Variants in CAMK1D observed in about 807,000 individuals in gnomAD.
The protein encoded by CAMK1D is calcium/calmodulin dependent protein kinase ID.
CAMK1D carries 9 observed loss-of-function variants against 47.7 expected under a neutral mutation model. That is an observed-to-expected ratio of 0.19 (90% CI 0.11 to 0.33). CAMK1D has a LOEUF of 0.33. Ranked by LOEUF, CAMK1D falls within the 10% of genes least tolerant of loss-of-function variation. CAMK1D has a pLI of 1.00. For missense variants in CAMK1D, 291 were observed against 488.7 expected, an observed-to-expected ratio of 0.60 and a Z score of 3.81; for synonymous variants, 184 against 184.9, an observed-to-expected ratio of 0.99 and a Z score of 0.04.
intron 3 of CAMK1D, among the ~76,000 whole-genome samples, chr10:12,753,342 G>A (rs1836075305): frequency 6.6e-6 from 1 of 152,184 alleles, no homozygotes; most frequent in South Asian, 2.1e-4. Flanking sequence ...TGCAAAGCTC[G>A]TGCTGGCTGT....
intron 2 of CAMK1D, among the ~76,000 whole-genome samples, chr10:12,608,096 T>C (rs934511907): frequency 1.3e-5 from 2 of 152,132 alleles, no homozygotes; most frequent in South Asian, 4.1e-4. Context: ...AAAGAAAATG[T>C]ACAGACATGA....
intron 3 of CAMK1D, among the ~76,000 whole-genome samples, chr10:12,716,808 C>T (rs1289482567): frequency 6.6e-6 from 1 of 152,176 alleles, no homozygotes; most frequent in Non-Finnish European, 1.5e-5. Flanking sequence ...GTGGTGTTCA[C>T]TGCAATTCGT....
At chr10:12,408,642 G>A (rs906588174) in intron 1 of CAMK1D, among the ~76,000 whole-genome samples, 1 of 152,092 alleles carries the variant, frequency 6.6e-6, no homozygotes, top group Non-Finnish European at 1.5e-5. Flanking sequence ...TTCAGGTTCA[G>A]GTGGGTGTGG....
chr10:12,751,113 TA>T (rs1454178342), intron 3 of CAMK1D, among the ~76,000 whole-genome samples: 5 of 82,018 alleles, frequency 6.1e-5, no homozygotes, highest in African/African-American at 2.6e-4. Context: ...TAAGATAAGA[TA>T]AGATAAGATA....
intron 1 of CAMK1D, 67 bp downstream of exon 1, chr10:12,349,977 TGCCGCC>T: frequency 3.7e-6 from 3 of 816,564 alleles, no homozygotes; most frequent in Non-Finnish European, 5.3e-6. Flanking sequence ...CAGCTCCAGC[TGCCGCC>T]GCCGCCACTA....
chr10:12,763,756 G>A (rs1470586862), intron 4 of CAMK1D, among the ~76,000 whole-genome samples: 8 of 152,204 alleles, frequency 5.3e-5, no homozygotes, highest in Non-Finnish European at 1.0e-4. Flanking sequence ...TGTTGATTCC[G>A]ATCTTATTAA....
Position 12,535,484 on chromosome 10 carries a change from C to T in CAMK1D, c.93-17741C>T, listed in dbSNP as rs886273473. Among the ~76,000 whole-genome samples the T allele has an allele frequency of 2.2e-4, 34 of 152,128 alleles. 1 individual carries two copies. Among genetic ancestry groups the T allele is most frequent in the Non-Finnish European group, 1.0e-4 (7 of 68,022 alleles). On this transcript the variant is annotated intron_variant, in intron 1 of 10. Coordinates refer to ENST00000619168, the MANE Select transcript of CAMK1D (RefSeq NM_153498.4). ...TCATGAGAATGGCCAATAAGTCCTC[C>T]ATGAAGTCAGCTCCAAGAAATAATG...
intron 1 of CAMK1D, among the ~76,000 whole-genome samples, chr10:12,389,393 G>A (rs1312754798): frequency 2.6e-5 from 4 of 152,158 alleles, no homozygotes; most frequent in Non-Finnish European, 5.9e-5. Context: ...TGGGGTGCGT[G>A]GCCAGAGGTG....
chr10:12,702,532 A>G (rs1185569095), intron 3 of CAMK1D, among the ~76,000 whole-genome samples: 1 of 152,236 alleles, frequency 6.6e-6, no homozygotes, highest in African/African-American at 2.4e-5. Flanking sequence ...TCCTAGGAAT[A>G]ACAGTAGCTA....
chr10:12,821,960 C>A (rs1833028858), intron 8 of CAMK1D, among the ~76,000 whole-genome samples: 1 of 151,664 alleles, frequency 6.6e-6, no homozygotes, highest in African/African-American at 2.4e-5. Context: ...GGCGACAGAG[C>A]AAGACTCTGT....
At chr10:12,777,108 C>T (rs1837282550) in intron 5 of CAMK1D, among the ~76,000 whole-genome samples, 3 of 152,016 alleles carry the variant, frequency 2.0e-5, no homozygotes, top group East Asian at 1.9e-4. Context: ...GTTTTAAAGC[C>T]GTGAACCGGG....
At chr10:12,522,046 A>G (rs1415840098) in intron 1 of CAMK1D, among the ~76,000 whole-genome samples, 1 of 151,720 alleles carries the variant, frequency 6.6e-6, no homozygotes, top group East Asian at 1.9e-4. Context: ...TTATTGATGT[A>G]TTTGAGCCAT....
Position 12,778,365 on chromosome 10 carries a change from G to A in CAMK1D, c.565+8566G>A, listed in dbSNP as rs1837357550. The stretch of plus-strand genomic sequence containing the variant: ...CTTCACCCTTTTACATGTGGCGGCT[G>A]CCTGGATTGTACACACCCTTTGCAA... On this transcript the variant is annotated intron_variant, in intron 5 of 10. Transcript: ENST00000619168. Among the ~76,000 whole-genome samples, 3 of 152,314 alleles carry A rather than the reference G, an allele frequency of 2.0e-5. No individual in the cohort carries two copies. The South Asian group carries it at 6.2e-4, about 32-fold the overall frequency.
intron 3 of CAMK1D, among the ~76,000 whole-genome samples, chr10:12,747,388 C>T (rs1409209391): frequency 6.6e-6 from 1 of 152,172 alleles, no homozygotes; most frequent in Non-Finnish European, 1.5e-5. Context: ...TCATTGCAGC[C>T]TTGAACTCCT....
intron 2 of CAMK1D, among the ~76,000 whole-genome samples, chr10:12,573,831 CTTTTTTTT>C (rs34038018): frequency 3.9e-4 from 25 of 64,092 alleles, no homozygotes; most frequent in South Asian, 3.9e-3. Flanking sequence ...ATTAAAAAAA[CTTTTTTTT>C]TTTTTTTTTT....
chr10:12,803,761 C>T (rs1564574217), intron 6 of CAMK1D, among the ~76,000 whole-genome samples: 1 of 152,162 alleles, frequency 6.6e-6, no homozygotes, highest in East Asian at 1.9e-4. Flanking sequence ...CAGGTCTCTT[C>T]TTCAGCTCCC....
chr10:12,573,320 C>T (rs532364729), intron 2 of CAMK1D, among the ~76,000 whole-genome samples: 90 of 152,238 alleles, frequency 5.9e-4, no homozygotes, highest in Middle Eastern at 3.4e-3. Context: ...GGAGAGAGGG[C>T]ATGATGGAGA....
At chr10:12,445,110 A>G (rs1460994819) in intron 1 of CAMK1D, among the ~76,000 whole-genome samples, 1 of 152,186 alleles carries the variant, frequency 6.6e-6, no homozygotes, top group African/African-American at 2.4e-5. Context: ...TATTGCTACA[A>G]AGCATCTGTT....
intron 3 of CAMK1D, among the ~76,000 whole-genome samples, chr10:12,708,159 A>T (rs1382382839): frequency 3.9e-5 from 6 of 152,194 alleles, no homozygotes; most frequent in Non-Finnish European, 8.8e-5. Context: ...TGAGGGCCTT[A>T]ATAGTCCCCC....
Sources: allele counts gnomAD v4.1 joint callset (sites outside exome capture counted in the v4.1 genomes callset), GRCh38; gene constraint gnomAD v4.1.1; transcripts MANE v1.5; gene names NCBI Gene and HGNC (gene_info 2026-07-23, HGNC 2026-07-21).